Variants in CPVL observed in about 807,000 individuals in gnomAD.
The protein encoded by CPVL is probable serine carboxypeptidase CPVL.
In CPVL, 51 loss-of-function variants were observed where a neutral mutation model predicts 63.7. That is an observed-to-expected ratio of 0.80 (90% CI 0.64 to 1.01). The LOEUF is 1.01. Among genes scored for constraint, CPVL ranks in the 50% least tolerant of loss-of-function variants. CPVL has a pLI of 0.00. For missense variants in CPVL, 530 were observed against 573.1 expected (o/e 0.92, Z 0.77); for synonymous variants, 195 against 206.0 (o/e 0.95, Z 0.46).
intron 12 of CPVL, among the ~76,000 whole-genome samples, chr7:29,029,490 T>C (rs926522758): frequency 1.3e-5 from 2 of 152,224 alleles, no homozygotes; most frequent in Non-Finnish European, 2.9e-5. Flanking sequence ...AATGAAATCC[T>C]ATCACTTGCA....
chr7:29,054,157 C>A (rs577589303), intron 11 of CPVL, among the ~76,000 whole-genome samples: 1 of 152,246 alleles, frequency 6.6e-6, no homozygotes, highest in East Asian at 1.9e-4. Flanking sequence ...ACATTTTACA[C>A]AACCATTGTA....
chr7:29,037,549 T>C, intron 11 of CPVL, among the ~76,000 whole-genome samples: 1 of 64,452 alleles, frequency 1.6e-5, no homozygotes, highest in African/African-American at 7.9e-5. Context: ...TGAGACTCCA[T>C]CTCAAAAAAA....
At chr7:29,115,374 AG>A (rs1788676617) in intron 2 of CPVL, among the ~76,000 whole-genome samples, 1 of 152,176 alleles carries the variant, frequency 6.6e-6, no homozygotes, top group South Asian at 2.1e-4. Flanking sequence ...CTCCTCCATC[AG>A]AAAAAAAGCC....
At chr7:29,160,468 G>A (rs368572115) in intron 5 of CPVL, among the ~76,000 whole-genome samples, 1 of 152,264 alleles carries the variant, frequency 6.6e-6, no homozygotes, top group East Asian at 1.9e-4. Flanking sequence ...ACCCTAGTCA[G>A]TCATGGCTAC....
At chr7:29,195,157 C>T (rs1783516668) in exon 1 of CPVL, 2 of 596,614 alleles carry the variant, frequency 3.4e-6, no homozygotes, top group African/African-American at 2.0e-5. Flanking sequence ...CACCTCGGTG[C>T]CCAGAGCACC....
intron 3 of CPVL, among the ~76,000 whole-genome samples, chr7:29,103,185 G>T (rs1016307203): frequency 9.5e-6 from 1 of 104,824 alleles, no homozygotes; most frequent in African/African-American, 3.2e-5. Context: ...TATACTGGGG[G>T]GGGGGGGGGG....
chr7:29,186,293 A>C (rs1026715805), intron 2 of CPVL, among the ~76,000 whole-genome samples: 24 of 152,174 alleles, frequency 1.6e-4, no homozygotes, highest in African/African-American at 5.5e-4. Flanking sequence ...TCAAATTGAA[A>C]AACATAAGTA....
In CPVL at chr7:29,011,679, C is replaced by G. The variant is rs541400210; in HGVS notation, c.1321-15797G>C. 3.3e-5 allele frequency: 5 copies of G among 151,358 alleles called. No individual in the cohort carries two copies. In the South Asian group the frequency reaches 1.1e-3, roughly 32 times the overall value. The allele number at this position is 151,358 out of a possible 1,614,324, so 9.4% of individuals were successfully genotyped here. A position where few individuals can be genotyped will look rare whatever the true frequency, so the allele number is the denominator to read the frequency against. ...CAAATCCTAGGCTTTGCTAGGATTG[C>G]AAATGAAACACTCCACTGAAATCAT... On this transcript the variant is annotated intron_variant, in intron 12 of 12. Transcript: ENST00000265394.
chr7:29,121,438 T>A (rs545497536), intron 1 of CPVL, among the ~76,000 whole-genome samples: 2 of 152,152 alleles, frequency 1.3e-5, no homozygotes, highest in East Asian at 3.9e-4. Context: ...AGTGCTGGGA[T>A]TATAGGAGTG....
At chr7:29,109,053 T>A (rs1158753830) in intron 3 of CPVL, among the ~76,000 whole-genome samples, 1 of 152,202 alleles carries the variant, frequency 6.6e-6, no homozygotes, top group African/African-American at 2.4e-5. Context: ...TCCTTCCTCA[T>A]GGGGTTCAGG....
chr7:29,098,495 C>G (rs190188404), intron 3 of CPVL, among the ~76,000 whole-genome samples: 198 of 152,252 alleles, frequency 1.3e-3, no homozygotes, highest in African/African-American at 4.6e-3. Flanking sequence ...TAAAGCCCTT[C>G]GAACAATGCC....
chr7:29,111,350 T>A (rs1788203126), intron 3 of CPVL, among the ~76,000 whole-genome samples: 1 of 152,154 alleles, frequency 6.6e-6, no homozygotes, highest in Non-Finnish European at 1.5e-5. Context: ...GACCACCCGA[T>A]TCCACCTGGC....
At chr7:29,137,188 G>A (rs531057189) in intron 1 of CPVL, among the ~76,000 whole-genome samples, 64 of 152,186 alleles carry the variant, frequency 4.2e-4, no homozygotes, top group Non-Finnish European at 7.9e-4. Context: ...ACATGGACAC[G>A]CACAAGGAGT....
At chr7:29,019,302 T>C (rs1483871764) in intron 12 of CPVL, among the ~76,000 whole-genome samples, 6 of 152,218 alleles carry the variant, frequency 3.9e-5, no homozygotes, top group African/African-American at 1.4e-4. Context: ...AACAGGGCAG[T>C]GTCCAATCCT....
chr7:29,025,731 G>T (rs1787428153), intron 12 of CPVL, among the ~76,000 whole-genome samples: 1 of 152,058 alleles, frequency 6.6e-6, no homozygotes, highest in South Asian at 2.1e-4. Flanking sequence ...GATAAAAATT[G>T]TAAAAAAAAG....
At chr7:29,157,900 C>G (rs1229487858) in intron 5 of CPVL, among the ~76,000 whole-genome samples, 1 of 152,182 alleles carries the variant, frequency 6.6e-6, no homozygotes, top group Non-Finnish European at 1.5e-5. Context: ...AATGCTCCGG[C>G]AGTCCTTTCA....
intron 12 of CPVL, among the ~76,000 whole-genome samples, chr7:29,022,473 C>T (rs949387296): frequency 3.9e-5 from 6 of 152,184 alleles, no homozygotes; most frequent in South Asian, 2.1e-4. Context: ...CACTGCCACA[C>T]GCATCACCCA....
At chr7:29,037,015 T>C (rs1482240941) in intron 11 of CPVL, among the ~76,000 whole-genome samples, 1 of 152,188 alleles carries the variant, frequency 6.6e-6, no homozygotes, top group Non-Finnish European at 1.5e-5. Flanking sequence ...CTCACTACTG[T>C]CTAAGGTCAC....
intron 12 of CPVL, among the ~76,000 whole-genome samples, chr7:29,004,450 C>G (rs530019625): frequency 1.3e-5 from 2 of 152,218 alleles, no homozygotes; most frequent in East Asian, 3.9e-4. Context: ...GTATTAACTC[C>G]AAGAATTTCT....
Sources: gnomAD v4.1 joint callset for allele counts (sites outside exome capture counted in the v4.1 genomes callset) on GRCh38, gnomAD v4.1.1 for gene constraint, MANE v1.5 for transcripts, NCBI Gene and HGNC (gene_info 2026-07-23, HGNC 2026-07-21) for gene names.